MAP7D1: variants seen among roughly 807,000 people sequenced by gnomAD.
MAP7D1 encodes MAP7 domain-containing protein 1.
Under a neutral mutation model 97.5 loss-of-function variants are expected in MAP7D1, and 30 were observed. That is an observed-to-expected ratio of 0.31 (90% CI 0.23 to 0.42). The LOEUF is 0.42. Among genes scored for constraint, MAP7D1 ranks in the 10% least tolerant of loss-of-function variants. The pLI, the probability that MAP7D1 is intolerant of heterozygous loss-of-function variation, is 1.00. For missense variants in MAP7D1, 1,184 were observed against 1,179.5 expected, an observed-to-expected ratio of 1.00 and a Z score of -0.06; for synonymous variants, 536 against 477.1, an observed-to-expected ratio of 1.12 and a Z score of -1.61.
chr1:36,163,793 G>C (rs1310332858), intron 1 of MAP7D1, among the ~76,000 whole-genome samples: 1 of 143,926 alleles, frequency 6.9e-6, no homozygotes, highest in Non-Finnish European at 1.5e-5. Context: ...GCTATAAGTT[G>C]CCACATAGAT....
Position 36,159,468 on chromosome 1 carries a change from A to G in MAP7D1, c.46+3005A>G, listed in dbSNP as rs1055820032. On this transcript the variant is annotated intron_variant, in intron 1 of 16. Transcript: ENST00000474796. This position sits in a 1 kb window ranked among gnomAD's most constrained non-coding sequence, Gnocchi z 5.4. ...AGAAGGCAGCGGAGAGGGGAGTTCT[A>G]GGCAGACATGAGCTAGGGTGTATCC... Among the ~76,000 whole-genome samples the G allele has an allele frequency of 2.6e-5, 4 of 152,198 alleles. No homozygotes were observed. Among genetic ancestry groups the G allele is most frequent in the African/African-American group, 9.7e-5 (4 of 41,450 alleles).
At chr1:36,158,029 G>T (rs1644361019) in intron 1 of MAP7D1, among the ~76,000 whole-genome samples, 1 of 152,110 alleles carries the variant, frequency 6.6e-6, no homozygotes, top group Non-Finnish European at 1.5e-5. Flanking sequence ...GAATGGGGGT[G>T]GTGACTGGGA....
At position 36,179,008 on chromosome 1, in the gene MAP7D1, CG is replaced by C. The variant is rs752428979; in HGVS notation, c.2115del (p.Gln706LysfsTer11). 6.9e-7 allele frequency: 1 copy of C among 1,440,294 alleles called. No individual in the cohort carries two copies. The allele number at this position is 1,440,294 out of a possible 1,614,324, so 89.2% of individuals were successfully genotyped here. Reference sequence around the variant, plus strand: ...GCACTTCCAGCAGCAGGAGCAAGAGCGGCAAGAGCGCAGAAAGGTGTGCGGA... The same window carrying C: ...GCACTTCCAGCAGCAGGAGCAAGAGCGCAAGAGCGCAGAAAGGTGTGCGGA... ...EKHFQQQEQE[R>X]QERRKRLEEI... On this transcript the variant is annotated frameshift_variant, in exon 12 of 17. Coordinates refer to ENST00000474796, the MANE Select transcript of MAP7D1 (RefSeq NM_001388490.1). LOFTEE classifies it high-confidence loss of function.
At chr1:36,179,068 G>T in intron 12 of MAP7D1, 43 bp downstream of exon 12, 1 of 1,516,568 alleles carries the variant, frequency 6.6e-7, no homozygotes, top group South Asian at 1.2e-5. Context: ...GGCCTGGGCA[G>T]GGCGGGCCAG....
chr1:36,179,433 G>T, intron 13 of MAP7D1, 82 bp from the exon 14 acceptor site: 1 of 1,571,948 alleles, frequency 6.4e-7, no homozygotes, highest in East Asian at 2.3e-5. Flanking sequence ...CTGCGGCCCG[G>T]GCAAGGGGAG....
chr1:36,175,046 T>C, intron 6 of MAP7D1, 38 bp downstream of exon 6: 2 of 1,401,276 alleles, frequency 1.4e-6, no homozygotes, highest in East Asian at 2.3e-5. Flanking sequence ...CCAGAGCCCC[T>C]TGTAGCTCCC....
At chr1:36,175,054 C>T in intron 6 of MAP7D1, 46 bp downstream of exon 6, 1 of 1,282,106 alleles carries the variant, frequency 7.8e-7, no homozygotes, top group Non-Finnish European at 1.1e-6. Flanking sequence ...CCTTGTAGCT[C>T]CCACCAAGCC....
In MAP7D1 at chr1:36,168,027, T is replaced by A. The variant is rs910540193; in HGVS notation, c.47-2944T>A. Among the ~76,000 whole-genome samples the A allele has an allele frequency of 1.4e-3, 217 of 152,334 alleles. 1 individual carries two copies. Among genetic ancestry groups the A allele is most frequent in the African/African-American group, 4.9e-3 (205 of 41,582 alleles). On this transcript the variant is annotated intron_variant, in intron 1 of 16. Coordinates refer to ENST00000474796, the MANE Select transcript of MAP7D1 (RefSeq NM_001388490.1). ...AATCCCAACTCTAGGCTGGGTGCGG[T>A]GGCTCACGCCTGTAATCCCAGCACT...
intron 4 of MAP7D1, among the ~76,000 whole-genome samples, chr1:36,173,133 T>G (rs1179691687): frequency 6.6e-6 from 1 of 152,126 alleles, no homozygotes; most frequent in East Asian, 1.9e-4. Flanking sequence ...ACTCATGCAC[T>G]CAGGAAATGA....
chr1:36,162,416 G>A (rs570238574), intron 1 of MAP7D1, among the ~76,000 whole-genome samples: 1 of 152,338 alleles, frequency 6.6e-6, no homozygotes, highest in East Asian at 1.9e-4. Context: ...CAGAGAACAC[G>A]CAGGAGCTTC....
chr1:36,179,087 G>A, intron 12 of MAP7D1, 62 bp downstream of exon 12: 1 of 1,519,878 alleles, frequency 6.6e-7, no homozygotes, highest in Non-Finnish European at 8.9e-7. Context: ...AGGTGGGCGG[G>A]GCCTGGGCTT....
chr1:36,166,184 A>G (rs1049395250), intron 1 of MAP7D1, among the ~76,000 whole-genome samples: 8 of 152,210 alleles, frequency 5.3e-5, no homozygotes, highest in Non-Finnish European at 2.9e-5. Flanking sequence ...TTGTTTCCTC[A>G]GTACAAAGCC....
At position 36,175,241 on chromosome 1, in the gene MAP7D1, C is replaced by T. The variant is rs577097066; in HGVS notation, c.850+233C>T. Among the ~76,000 whole-genome samples, 13 of 152,356 alleles carry T rather than the reference C, an allele frequency of 8.5e-5. No individual in the cohort carries two copies. In the South Asian group the frequency reaches 2.3e-3, roughly 27 times the overall value. On this transcript the variant is annotated intron_variant, in intron 6 of 16. Coordinates refer to ENST00000474796, the MANE Select transcript of MAP7D1 (RefSeq NM_001388490.1). ...GGAGAACAGAGACAAAGCACAATGCCGCAGAGGGCAGGAAGCCTGGCAGGA... is the reference window on the plus strand; with the variant it reads ...GGAGAACAGAGACAAAGCACAATGCTGCAGAGGGCAGGAAGCCTGGCAGGA...
At chr1:36,169,044 G>C (rs1316943201) in intron 1 of MAP7D1, among the ~76,000 whole-genome samples, 1 of 151,526 alleles carries the variant, frequency 6.6e-6, no homozygotes, top group Non-Finnish European at 1.5e-5. Flanking sequence ...CTGAAGTCGG[G>C]AGTTCGAGAC....
intron 4 of MAP7D1, among the ~76,000 whole-genome samples, chr1:36,172,990 C>T (rs1644568463): frequency 6.6e-6 from 1 of 152,170 alleles, no homozygotes; most frequent in Admixed American, 6.5e-5. Flanking sequence ...AGGAAATGGC[C>T]ACCTGGCCCT....
At position 36,177,883 on chromosome 1, in the gene MAP7D1, A is replaced by G; in HGVS notation, c.1390A>G (p.Lys464Glu). The G allele has an allele frequency of 6.5e-7, 1 of 1,532,688 alleles. No individual in the cohort carries two copies. Among genetic ancestry groups the G allele is most frequent in the Non-Finnish European group, 8.8e-7 (1 of 1,140,382 alleles). The allele number at this position is 1,532,688 out of a possible 1,614,324, so 94.9% of individuals were successfully genotyped here. A position where few individuals can be genotyped will look rare whatever the true frequency, so the allele number is the denominator to read the frequency against. ...TCCCTTTTCTCTTAGCCCCAAATCC[A>G]AGGCCAGGCCATCCTCTCCCTCCAC... Reference protein sequence around the residue: ...STASELSPKSKARPSSPSTSW... With the variant: ...STASELSPKSEARPSSPSTSW... Residue 464 changes from lysine (K) to glutamate (E), a missense_variant, in exon 9 of 17, where the codon AAG becomes GAG. Lys to Glu is a moderately conservative substitution (Grantham distance 56). Coordinates refer to ENST00000474796, the MANE Select transcript of MAP7D1 (RefSeq NM_001388490.1).
Position 36,156,382 on chromosome 1 carries a change from C to T in MAP7D1, c.-36C>T, listed in dbSNP as rs1218666778. ...GGCCACTGGCCGCCGCCGCCGCCGC[C>T]GCTGAGACCCCGAGACCCCCAGTGA... On this transcript the variant is annotated 5_prime_UTR_variant, in exon 1 of 17. Coordinates refer to ENST00000474796, the MANE Select transcript of MAP7D1 (RefSeq NM_001388490.1). 2.7e-6 allele frequency: 4 copies of T among 1,480,722 alleles called. No homozygotes were observed. The highest frequency in any genetic ancestry group is 2.3e-5 in the Admixed American group (1 of 43,862). The allele number at this position is 1,480,722 out of a possible 1,614,324, so 91.7% of individuals were successfully genotyped here. A position where few individuals can be genotyped will look rare whatever the true frequency, so the allele number is the denominator to read the frequency against.
Position 36,163,660 on chromosome 1 carries a change from G to A in MAP7D1, c.46+7197G>A, listed in dbSNP as rs2124208202. On this transcript the variant is annotated intron_variant, in intron 1 of 16. Coordinates refer to ENST00000474796, the MANE Select transcript of MAP7D1 (RefSeq NM_001388490.1). The stretch of plus-strand genomic sequence containing the variant: ...CCTCTTGAGAAGTTTTTCTTGTTGA[G>A]CTGCTGGAGTAAACACTCATTATTA... Among the ~76,000 whole-genome samples the A allele has an allele frequency of 2.0e-5, 3 of 152,230 alleles. No individual in the cohort carries two copies. In the South Asian group the frequency reaches 6.2e-4, roughly 32 times the overall value.
At chr1:36,158,442 C>T (rs1644366345) in intron 1 of MAP7D1, among the ~76,000 whole-genome samples, 1 of 152,110 alleles carries the variant, frequency 6.6e-6, no homozygotes, top group Admixed American at 6.5e-5. Context: ...CCTTTTTGCA[C>T]TTGGACACTG....
Sources: gnomAD v4.1 joint callset for allele counts (sites outside exome capture counted in the v4.1 genomes callset) on GRCh38, gnomAD v4.1.1 for gene constraint, Gnocchi (gnomAD v3.1) non-coding constraint, MANE v1.5 for transcripts, NCBI Gene and HGNC (gene_info 2026-07-23, HGNC 2026-07-21) for gene names.